STXBP4: variants seen among roughly 807,000 people sequenced by gnomAD.
STXBP4 encodes the protein syntaxin-binding protein 4.
A neutral mutation model predicts 76.1 loss-of-function variants in STXBP4; 55 were observed. That is an observed-to-expected ratio of 0.72 (90% CI 0.58 to 0.91). The LOEUF (loss-of-function observed/expected upper bound fraction) is 0.91. Among genes scored for constraint, STXBP4 ranks in the 40% least tolerant of loss-of-function variants. The probability of loss-of-function intolerance (pLI) is 0.00; values close to 1 mark genes in which losing one functional copy is unlikely to be tolerated. For missense variants in STXBP4, 618 were observed against 636.9 expected (o/e 0.97, Z 0.32); for synonymous variants, 201 against 220.2 (o/e 0.91, Z 0.77).
At chr17:55,010,172 T>G (rs1479859485) in intron 8 of STXBP4, among the ~76,000 whole-genome samples, 1 of 152,058 alleles carries the variant, frequency 6.6e-6, no homozygotes, top group East Asian at 1.9e-4. Context: ...ATTAAGTAAT[T>G]AGCCTACCCA....
At chr17:55,127,003 A>G (rs2079920089) in intron 16 of STXBP4, among the ~76,000 whole-genome samples, 2 of 152,146 alleles carry the variant, frequency 1.3e-5, no homozygotes, top group African/African-American at 4.8e-5. Context: ...TAAAATTGAG[A>G]TATAATTTAC....
chr17:55,210,327 A>G, the STXBP4 span, among the ~76,000 whole-genome samples: 1 of 152,232 alleles, frequency 6.6e-6, no homozygotes, highest in Non-Finnish European at 1.5e-5. Context: ...CTTTTTCTAA[A>G]GAGATTCAAA....
downstream of STXBP4, among the ~76,000 whole-genome samples, chr17:55,174,023 T>C (rs2080419585): frequency 2.0e-5 from 3 of 152,370 alleles, no homozygotes; most frequent in Middle Eastern, 3.4e-3. Flanking sequence ...TCTTCCATTG[T>C]CATATCTCTC....
chr17:55,151,898 C>G (rs1793555725), intron 17 of STXBP4, among the ~76,000 whole-genome samples: 1 of 152,124 alleles, frequency 6.6e-6, no homozygotes, highest in South Asian at 2.1e-4. Flanking sequence ...CACAGTGATT[C>G]AACTGTTACA....
At position 55,162,232 on chromosome 17, in the gene STXBP4, T is replaced by C. The variant is rs1423881596; in HGVS notation, c.*2321T>C. 1.3e-5 allele frequency: 2 copies of C among 152,198 alleles called. No homozygotes were observed. The highest frequency in any genetic ancestry group is 2.9e-5 in the Non-Finnish European group (2 of 68,030). 9.4% of individuals were successfully genotyped at this position (152,198 alleles called of 1,614,324 possible). ...GCCATAAGAGATGCTCAAAAAAGCA[T>C]GGTCAGGGCTTAGCAAGAATCCTTT... On this transcript the variant is annotated 3_prime_UTR_variant, in exon 18 of 18. Transcript: ENST00000376352.
At chr17:54,979,281 A>G (rs1432275363) in intron 1 of STXBP4, among the ~76,000 whole-genome samples, 1 of 152,088 alleles carries the variant, frequency 6.6e-6, no homozygotes, top group South Asian at 2.1e-4. Context: ...CTTTTAAGGG[A>G]TATTTTACAA....
At chr17:55,205,475 A>G in the STXBP4 span, among the ~76,000 whole-genome samples, 2 of 152,068 alleles carry the variant, frequency 1.3e-5, no homozygotes, top group African/African-American at 4.8e-5. Flanking sequence ...GGCAAAAGAT[A>G]CCATAAGCAG....
At chr17:54,991,064 C>T in intron 4 of STXBP4, 107 bp downstream of exon 4, 3 of 1,225,626 alleles carry the variant, frequency 2.4e-6, no homozygotes, top group South Asian at 2.5e-5. Context: ...TGTGACCATA[C>T]CTCAGTGAAA....
chr17:54,989,860 A>G (rs2077687392), intron 3 of STXBP4, among the ~76,000 whole-genome samples: 1 of 152,244 alleles, frequency 6.6e-6, no homozygotes, highest in Non-Finnish European at 1.5e-5. Context: ...AGTTGAAACA[A>G]GTACTTTTTA....
At chr17:55,209,148 G>A in the STXBP4 span, among the ~76,000 whole-genome samples, 1 of 152,146 alleles carries the variant, frequency 6.6e-6, no homozygotes, top group Non-Finnish European at 1.5e-5. Flanking sequence ...TAATCTGGAA[G>A]AGAAGGCTGA....
At chr17:55,027,829 A>T (rs1472858675) in intron 8 of STXBP4, among the ~76,000 whole-genome samples, 1 of 152,184 alleles carries the variant, frequency 6.6e-6, no homozygotes, top group Admixed American at 6.5e-5. Context: ...CCATATCCAT[A>T]TTGTGATATG....
At chr17:55,029,351 C>T (rs183709373) in intron 8 of STXBP4, among the ~76,000 whole-genome samples, 331 of 151,916 alleles carry the variant, frequency 2.2e-3, no homozygotes, top group Non-Finnish European at 3.4e-3. Flanking sequence ...AGGAAGAATA[C>T]TTAGGATAGT....
intron 12 of STXBP4, among the ~76,000 whole-genome samples, chr17:55,068,053 C>A (rs1019845993): frequency 6.6e-6 from 1 of 152,062 alleles, no homozygotes; most frequent in African/African-American, 2.4e-5. Context: ...TTGGGATTAT[C>A]CATTGAAAGG....
chr17:55,141,491 A>C (rs1224601015), intron 17 of STXBP4, 124 bp downstream of exon 17: 1 of 685,250 alleles, frequency 1.5e-6, no homozygotes, highest in African/African-American at 1.9e-5. Flanking sequence ...GTAACAAGAA[A>C]TGAAGCCTCA....
At chr17:55,182,713 CAG>C in the STXBP4 span, among the ~76,000 whole-genome samples, 4 of 150,410 alleles carry the variant, frequency 2.7e-5, no homozygotes, top group Non-Finnish European at 4.4e-5. Context: ...TGAAAGCAGA[CAG>C]AAAAAAAAAG....
At chr17:55,123,784 C>T (rs2079873920) in intron 16 of STXBP4, among the ~76,000 whole-genome samples, 1 of 151,930 alleles carries the variant, frequency 6.6e-6, no homozygotes, top group African/African-American at 2.4e-5. Context: ...CCTATAGTCC[C>T]AGCTACTTGG....
chr17:55,092,668 G>A (rs1277779583), intron 16 of STXBP4, among the ~76,000 whole-genome samples: 1 of 152,174 alleles, frequency 6.6e-6, no homozygotes, highest in East Asian at 1.9e-4. Flanking sequence ...TACCTTTTAA[G>A]AAGAATGTGA....
At chr17:55,052,910 G>T (rs1380381644) in intron 12 of STXBP4, among the ~76,000 whole-genome samples, 3 of 101,206 alleles carry the variant, frequency 3.0e-5, no homozygotes, top group South Asian at 3.8e-4. Context: ...AAAAAGACGT[G>T]TATGACGTGT....
chr17:55,003,244 A>G (rs572621656), intron 7 of STXBP4, among the ~76,000 whole-genome samples: 1 of 152,222 alleles, frequency 6.6e-6, no homozygotes, highest in Non-Finnish European at 1.5e-5. Context: ...CTTGTTAACA[A>G]TGAATAAACT....
Sources: gnomAD v4.1 joint callset for allele counts (sites outside exome capture counted in the v4.1 genomes callset) on GRCh38, gnomAD v4.1.1 for gene constraint, MANE v1.5 for transcripts, NCBI Gene and HGNC (gene_info 2026-07-23, HGNC 2026-07-21) for gene names.